PLSCR2: variants seen among roughly 807,000 people sequenced by gnomAD.
The protein encoded by PLSCR2 is PL scramblase 2.
A neutral mutation model predicts 25.3 loss-of-function variants in PLSCR2; 18 were observed. The observed-to-expected ratio is 0.71, with a 90% confidence interval of 0.49 to 1.06. The LOEUF (loss-of-function observed/expected upper bound fraction) is 1.06. Ranked by LOEUF, PLSCR2 falls within the 50% of genes least tolerant of loss-of-function variation. PLSCR2 has a pLI of 0.00. For synonymous variants in PLSCR2, 88 were observed against 87.3 expected, an observed-to-expected ratio of 1.01 and a Z score of -0.04; for missense variants, 243 against 269.5, an observed-to-expected ratio of 0.90 and a Z score of 0.69.
At chr3:146,432,508 T>G (rs1305096014), downstream of PLSCR2, among the ~76,000 whole-genome samples, 4 of 152,158 alleles carry the variant, frequency 2.6e-5, no homozygotes, top group African/African-American at 9.7e-5. Flanking sequence ...CTGTTAGGAA[T>G]GAGCCTAAGA....
chr3:146,453,993 A>G lies in PLSCR2; in HGVS notation c.483+9T>C, dbSNP rs760403685. On this transcript the variant is annotated intron_variant, in intron 5 of 6. Coordinates refer to ENST00000610787, the Ensembl canonical transcript of PLSCR2. Reference sequence around the variant, plus strand: ...AAGCAAATCCTATAAACATTATGACATCTCTTACCTCAAAATCAACACCCG... The same window carrying G: ...AAGCAAATCCTATAAACATTATGACGTCTCTTACCTCAAAATCAACACCCG... 5.1e-6 allele frequency: 8 copies of G among 1,559,122 alleles called. No homozygotes were observed. In the South Asian group the frequency reaches 6.2e-5, roughly 12 times the overall value.
rs571123485 is a variant in PLSCR2, at chr3:146,414,747, A to T, written c.101-18826T>A. Among the ~76,000 whole-genome samples the T allele has an allele frequency of 2.6e-5, 4 of 152,360 alleles. No homozygotes were observed. In the East Asian group the frequency reaches 7.7e-4, roughly 29 times the overall value. ...ACTTGGGAGCACAATTGGACTATCC[A>T]GAAACTTACCTGCATTCTGCTTCTA... On this transcript the variant is annotated intron_variant and NMD_transcript_variant, in intron 2 of 3. Transcript: ENST00000463633.
intron 6 of PLSCR2, among the ~76,000 whole-genome samples, chr3:146,445,694 T>C (rs894582358): frequency 6.6e-6 from 1 of 152,156 alleles, no homozygotes; most frequent in Non-Finnish European, 1.5e-5. Context: ...TTTCTCCAGG[T>C]TTGAAAAGTT....
chr3:146,443,409 G>A (rs2108259761), intron 6 of PLSCR2, among the ~76,000 whole-genome samples: 1 of 151,834 alleles, frequency 6.6e-6, no homozygotes, highest in South Asian at 2.1e-4. Context: ...TTTCTTTGCT[G>A]GGAGACTTTT....
At chr3:146,431,012 G>A (rs73865706), downstream of PLSCR2, among the ~76,000 whole-genome samples, 12,489 of 152,150 alleles carry the variant, frequency 0.082, 665 homozygotes, top group African/African-American at 0.14. Flanking sequence ...CATGAGGCAA[G>A]CACCCAAACT....
At chr3:146,458,296 G>A in intron 3 of PLSCR2, 115 bp downstream of exon 3, 2 of 819,708 alleles carry the variant, frequency 2.4e-6, no homozygotes, top group Non-Finnish European at 3.6e-6. Context: ...TTCGTAAATA[G>A]TCAGTTTTAC....
intron 2 of PLSCR2, 90 bp from the exon 3 acceptor site, chr3:146,458,543 A>T: frequency 1.1e-6 from 1 of 883,604 alleles, no homozygotes; most frequent in South Asian, 2.8e-5. Flanking sequence ...ACTGCATATA[A>T]TCAGTTATCG....
chr3:146,482,417 A>G (rs770922839), intron 1 of PLSCR2, among the ~76,000 whole-genome samples: 9 of 152,244 alleles, frequency 5.9e-5, no homozygotes, highest in Admixed American at 2.0e-4. Context: ...TGAGCAAAGG[A>G]TATGAACAGA....
intron 3 of PLSCR2, among the ~76,000 whole-genome samples, chr3:146,392,943 GA>G (rs2038134170): frequency 2.0e-5 from 3 of 147,742 alleles, no homozygotes; most frequent in Admixed American, 2.0e-4. Flanking sequence ...AGAGTTTTGA[GA>G]TGTAATATTT....
upstream of PLSCR2, among the ~76,000 whole-genome samples, chr3:146,461,624 C>A (rs530386889): frequency 8.2e-4 from 125 of 152,012 alleles, no homozygotes; most frequent in African/African-American, 2.9e-3. Context: ...GAAAATTTTA[C>A]GTGACGATCT....
At chr3:146,483,553 T>G in intron 1 of PLSCR2, among the ~76,000 whole-genome samples, 1 of 139,586 alleles carries the variant, frequency 7.2e-6, no homozygotes, top group South Asian at 2.3e-4. Context: ...AGGAAAAAGA[T>G]TCCCCGAGGA....
intron 4 of PLSCR2, 146 bp downstream of exon 4, chr3:146,455,093 C>T (rs951410364): frequency 8.1e-6 from 5 of 618,292 alleles, no homozygotes; most frequent in Non-Finnish European, 8.5e-6. Flanking sequence ...ACTTGCCTTC[C>T]TTCTTATACA....
chr3:146,438,582 G>A (rs145045818), downstream of PLSCR2, among the ~76,000 whole-genome samples: 12,168 of 152,130 alleles, frequency 0.08, 614 homozygotes, highest in African/African-American at 0.13. Flanking sequence ...TTTTATCAGA[G>A]TCTAGGATTG....
intron 1 of PLSCR2, among the ~76,000 whole-genome samples, chr3:146,490,474 T>A (rs2108575486): frequency 6.6e-6 from 1 of 152,262 alleles, no homozygotes; most frequent in East Asian, 1.9e-4. Context: ...TTATTGTGAT[T>A]ATCTAATTGT....
downstream of PLSCR2, among the ~76,000 whole-genome samples, chr3:146,438,015 C>T (rs1278539972): frequency 6.6e-6 from 1 of 152,212 alleles, no homozygotes; most frequent in Non-Finnish European, 1.5e-5. Context: ...TTATTTCTGC[C>T]TTCATTTCGT....
intron 1 of PLSCR2, among the ~76,000 whole-genome samples, chr3:146,481,262 G>T (rs1211820104): frequency 6.6e-6 from 1 of 152,096 alleles, no homozygotes; most frequent in Non-Finnish European, 1.5e-5. Context: ...GAAATAAAGG[G>T]TATTCAATTA....
chr3:146,453,741 C>A (rs2041032205), intron 5 of PLSCR2, among the ~76,000 whole-genome samples: 1 of 152,064 alleles, frequency 6.6e-6, no homozygotes, highest in Non-Finnish European at 1.5e-5. Flanking sequence ...CCACACAGAA[C>A]CCAACATGTT....
downstream of PLSCR2, among the ~76,000 whole-genome samples, chr3:146,437,962 T>C (rs1455324380): frequency 6.6e-6 from 1 of 152,224 alleles, no homozygotes; most frequent in African/African-American, 2.4e-5. Context: ...CCAGAGATTC[T>C]AGTATGTTTT....
intron 1 of PLSCR2, among the ~76,000 whole-genome samples, chr3:146,484,748 A>C (rs2043280512): frequency 1.3e-5 from 2 of 152,092 alleles, no homozygotes; most frequent in Non-Finnish European, 2.9e-5. Context: ...GCTGAGGGCT[A>C]TCATTTCCAC....
Sources: allele counts gnomAD v4.1 joint callset (sites outside exome capture counted in the v4.1 genomes callset), GRCh38; gene constraint gnomAD v4.1.1; transcripts MANE v1.5; gene names NCBI Gene and HGNC (gene_info 2026-07-23, HGNC 2026-07-21).